The following OR9Q1 variants were observed in gnomAD, a reference collection of about 807,000 sequenced individuals.
OR9Q1 encodes olfactory receptor family 9 subfamily Q member 1, also known as olfactory receptor 9Q1.
For missense variants in OR9Q1, 374 were observed against 378.8 expected, an observed-to-expected ratio of 0.99 and a Z score of 0.11; for synonymous variants, 153 against 148.6, an observed-to-expected ratio of 1.03 and a Z score of -0.22.
At chr11:58,040,710 C>G (rs148003158) in intron 1 of OR9Q1, 2 of 152,264 alleles carry the variant, frequency 1.3e-5, no homozygotes, top group Non-Finnish European at 2.9e-5. Context: ...GAAGAAGGCT[C>G]GTCCTCCTGG....
chr11:58,070,863 A>C (rs1853480991), intron 2 of OR9Q1, among the ~76,000 whole-genome samples: 1 of 152,162 alleles, frequency 6.6e-6, no homozygotes, highest in Non-Finnish European at 1.5e-5. Flanking sequence ...CTCTTGAGAG[A>C]AGAATGCTAA....
chr11:58,052,830 C>CA (rs1263244967), intron 1 of OR9Q1, among the ~76,000 whole-genome samples: 1 of 150,760 alleles, frequency 6.6e-6, no homozygotes, highest in Non-Finnish European at 1.5e-5. Flanking sequence ...TTTATGCAGC[C>CA]AAAAAACACA....
At chr11:58,142,112 T>C (rs891080032) in intron 2 of OR9Q1, among the ~76,000 whole-genome samples, 1 of 152,192 alleles carries the variant, frequency 6.6e-6, no homozygotes, top group Non-Finnish European at 1.5e-5. Context: ...CAGTGAGTCT[T>C]TTTGATGGTC....
At chr11:58,084,001 G>A (rs966732966) in intron 2 of OR9Q1, among the ~76,000 whole-genome samples, 5 of 151,968 alleles carry the variant, frequency 3.3e-5, no homozygotes, top group South Asian at 2.1e-4. Context: ...GAAGAATGAT[G>A]TTGATAGTTT....
chr11:58,154,465 T>C (rs1177019450), intron 2 of OR9Q1, among the ~76,000 whole-genome samples: 1 of 152,018 alleles, frequency 6.6e-6, no homozygotes, highest in Non-Finnish European at 1.5e-5. Context: ...CAACATTATT[T>C]TGTTGCATCT....
In OR9Q1 at chr11:58,058,658, G is replaced by A. The variant is rs557334967; in HGVS notation, c.-15+2711G>A. Reference sequence around the variant, plus strand: ...ATGGTAGCAGTCACAGACAATGACGGTGGCAGCAGGGGTTTAGGCAATGAC... The same window carrying A: ...ATGGTAGCAGTCACAGACAATGACGATGGCAGCAGGGGTTTAGGCAATGAC... On this transcript the variant is annotated intron_variant, in intron 2 of 2. Coordinates refer to ENST00000335397, the MANE Select transcript of OR9Q1 (RefSeq NM_001005212.4). Among the ~76,000 whole-genome samples the A allele has an allele frequency of 5.3e-5, 8 of 152,312 alleles. No homozygotes were observed. In the South Asian group the frequency reaches 1.2e-3, roughly 24 times the overall value.
At chr11:58,170,036 A>G (rs1272110477) in intron 2 of OR9Q1, among the ~76,000 whole-genome samples, 1 of 152,042 alleles carries the variant, frequency 6.6e-6, no homozygotes, top group Non-Finnish European at 1.5e-5. Flanking sequence ...CTGTGAAATT[A>G]TCTTTGTCCC....
chr11:58,179,607 C>G lies in OR9Q1; in HGVS notation c.163C>G (p.Leu55Val). Residue 55 changes from leucine (L) to valine (V), a missense_variant, in exon 3 of 3, where the codon CTC becomes GTC. Leu to Val is a conservative substitution (Grantham distance 32, BLOSUM62 1). Coordinates refer to ENST00000335397, the MANE Select transcript of OR9Q1 (RefSeq NM_001005212.4). Reference protein sequence around the residue: ...MIILILMDHQLHAPMYFLLSH... With the variant: ...MIILILMDHQVHAPMYFLLSH... ...TATTCTGATCCTCATGGATCACCAG[C>G]TCCACGCTCCAATGTATTTCCTTCT... is the stretch of plus-strand genomic sequence containing the variant. The G allele has an allele frequency of 1.2e-6, 2 of 1,613,376 alleles. No individual in the cohort carries two copies. Among genetic ancestry groups the G allele is most frequent in the African/African-American group, 2.7e-5 (2 of 75,038 alleles).
intron 2 of OR9Q1, among the ~76,000 whole-genome samples, chr11:58,165,862 A>C (rs1854499875): frequency 6.6e-6 from 1 of 152,234 alleles, no homozygotes; most frequent in Non-Finnish European, 1.5e-5. Flanking sequence ...AGGATTTGAC[A>C]TTTACAAAAT....
In OR9Q1 at chr11:58,067,238, G is replaced by A. The variant is rs149368266; in HGVS notation, c.-15+11291G>A. On this transcript the variant is annotated intron_variant, in intron 2 of 2. Coordinates refer to ENST00000335397, the MANE Select transcript of OR9Q1 (RefSeq NM_001005212.4). The stretch of plus-strand genomic sequence containing the variant: ...TTTTTAGTAGAGACAGGGTTTCACC[G>A]TGTTAGCCCGGGTGGTCTCCATCTC... 6.2e-4 allele frequency among the ~76,000 whole-genome samples: 95 copies of A among 152,060 alleles called. No homozygotes were observed. The East Asian group carries it at 0.013, about 21-fold the overall frequency.
intron 2 of OR9Q1, among the ~76,000 whole-genome samples, chr11:58,131,756 C>A (rs1854143638): frequency 6.6e-6 from 1 of 151,970 alleles, no homozygotes; most frequent in East Asian, 1.9e-4. Flanking sequence ...TGTTCAATGC[C>A]CCCAACACTC....
chr11:58,030,463 G>C (rs1310965168), intron 1 of OR9Q1, among the ~76,000 whole-genome samples: 1 of 152,158 alleles, frequency 6.6e-6, no homozygotes, highest in East Asian at 1.9e-4. Context: ...AAATCTGTTA[G>C]GTTCTCTTTT....
At chr11:58,053,624 T>TAAA (rs1290995331) in intron 1 of OR9Q1, among the ~76,000 whole-genome samples, 22 of 109,628 alleles carry the variant, frequency 2.0e-4, no homozygotes, top group East Asian at 5.9e-4. Flanking sequence ...TATATATATA[T>TAAA]ATAAAATATA....
Position 58,179,654 on chromosome 11 carries a change from C to T in OR9Q1, c.210C>T (p.Asp70=), listed in dbSNP as rs753329362. The T allele has an allele frequency of 4.0e-5, 65 of 1,613,312 alleles. No individual in the cohort carries two copies. Among genetic ancestry groups the T allele is most frequent in the Admixed American group, 3.2e-4 (19 of 60,000 alleles). The part of the protein sequence containing the change: ...YFLLSHLAFM[D]VCYSSITVPQ... ...TTCTGAGTCACCTCGCTTTCATGGA[C>T]GTCTGCTACTCATCTATCACTGTCC... is the stretch of plus-strand genomic sequence containing the variant. The change falls in exon 3 of 3, where the codon GAC becomes GAT. Residue 70 remains aspartate (D), a synonymous_variant. Transcript: ENST00000335397.
chr11:58,160,741 G>A (rs1854449435), intron 2 of OR9Q1, among the ~76,000 whole-genome samples: 1 of 152,138 alleles, frequency 6.6e-6, no homozygotes, highest in African/African-American at 2.4e-5. Context: ...TGTGAAGTTT[G>A]AGATAGCTTT....
At chr11:58,145,949 G>C (rs1412706096) in intron 2 of OR9Q1, among the ~76,000 whole-genome samples, 1 of 152,024 alleles carries the variant, frequency 6.6e-6, no homozygotes. Flanking sequence ...TTTAGGATTT[G>C]TCATAGAAAA....
intron 1 of OR9Q1, among the ~76,000 whole-genome samples, chr11:58,053,098 G>A (rs1169392528): frequency 2.0e-5 from 3 of 151,630 alleles, no homozygotes; most frequent in Admixed American, 2.0e-4. Context: ...CCCATTACTG[G>A]GTATATACCC....
chr11:58,089,029 A>G (rs2120060010), intron 2 of OR9Q1, among the ~76,000 whole-genome samples: 1 of 151,748 alleles, frequency 6.6e-6, no homozygotes, highest in African/African-American at 2.4e-5. Context: ...GGTGCCCGTC[A>G]CCAGGCCCAG....
At chr11:58,156,242 A>G (rs1325245612) in intron 2 of OR9Q1, among the ~76,000 whole-genome samples, 1 of 152,072 alleles carries the variant, frequency 6.6e-6, no homozygotes, top group Non-Finnish European at 1.5e-5. Flanking sequence ...GCATTTCTTG[A>G]TGCTTCATCT....
Sources: allele counts gnomAD v4.1 joint callset (sites outside exome capture counted in the v4.1 genomes callset), GRCh38; gene constraint gnomAD v4.1.1; transcripts MANE v1.5; gene names NCBI Gene and HGNC (gene_info 2026-07-23, HGNC 2026-07-21).